Variants in C10orf90 observed in about 807,000 individuals in gnomAD.
C10orf90 encodes the protein chromosome 10 open reading frame 90, also known as (E2-independent) E3 ubiquitin-conjugating enzyme FATS.
A neutral mutation model predicts 62.5 loss-of-function variants in C10orf90; 56 were observed. The observed-to-expected ratio is 0.90, with a 90% CI of 0.72 to 1.12. C10orf90 has a LOEUF of 1.12. Ranked by LOEUF, C10orf90 falls within the 50% of genes most tolerant of loss-of-function variation. C10orf90 has a pLI of 0.00. For missense variants in C10orf90, 970 were observed against 880.4 expected (o/e 1.10, Z -1.29); for synonymous variants, 386 against 340.4 (o/e 1.13, Z -1.47).
At chr10:126,521,393 A>G in intron 2 of C10orf90, 2 of 1,608,006 alleles carry the variant, frequency 1.2e-6, no homozygotes, top group Admixed American at 1.7e-5. Flanking sequence ...ATTTGGCGAC[A>G]TGAAAGAAAA....
At chr10:126,626,531 A>T (rs568696778) in intron 2 of C10orf90, among the ~76,000 whole-genome samples, 1 of 152,236 alleles carries the variant, frequency 6.6e-6, no homozygotes, top group Non-Finnish European at 1.5e-5. Flanking sequence ...TATTACTGTG[A>T]TAATAAAACC....
rs925350304 is a variant in C10orf90, at chr10:126,521,524, A to T, written c.314-7585T>A. The stretch of plus-strand genomic sequence containing the variant: ...GAAGTCACCGGAATGTTTACAGGGC[A>T]ACCAGGGGAGGTGGCATACAAGCCC... On this transcript the variant is annotated intron_variant, in intron 2 of 9. Coordinates refer to ENST00000488181, the MANE Select transcript of C10orf90 (RefSeq NM_001350921.2). 1.1e-5 allele frequency: 14 copies of T among 1,315,064 alleles called. No individual in the cohort carries two copies. In the African/African-American group the frequency reaches 2.1e-4, roughly 20 times the overall value. The allele number at this position is 1,315,064 out of a possible 1,614,324, so 81.5% of individuals were successfully genotyped here.
At chr10:126,519,533 A>T (rs1863628730) in intron 2 of C10orf90, among the ~76,000 whole-genome samples, 1 of 152,172 alleles carries the variant, frequency 6.6e-6, no homozygotes. Flanking sequence ...TCAAATTCTT[A>T]CTTCTTGGAT....
At position 126,532,842 on chromosome 10, in the gene C10orf90, CAA is replaced by C. The variant is rs1269013268; in HGVS notation, c.314-18905_314-18904del. ...TGGGCAACAGAGCGAGACTACGTCT[CAA>C]AAAAAAAAAAAAATAGTGAGCACAA... On this transcript the variant is annotated intron_variant, in intron 2 of 9. Transcript: ENST00000488181. Among the ~76,000 whole-genome samples, 41 of 12,098 alleles carry C rather than the reference CAA, an allele frequency of 3.4e-3. 13 individuals carry two copies. The East Asian group carries it at 0.094, about 28-fold the overall frequency. 7.9% of individuals were successfully genotyped at this position (12,098 alleles called of 152,430 possible). A position where few individuals can be genotyped will look rare whatever the true frequency, so the allele number is the denominator to read the frequency against.
At chr10:126,624,734 A>G (rs80174741) in intron 2 of C10orf90, among the ~76,000 whole-genome samples, 11,086 of 152,164 alleles carry the variant, frequency 0.073, 550 homozygotes, top group Non-Finnish European at 0.1. Context: ...CACCTTTTGA[A>G]TTTTTGCTGA....
Position 126,532,861 on chromosome 10 carries a change from T to TAAAAAAAAAAAAAA in C10orf90, c.314-18923_314-18922insTTTTTTTTTTTTTT, listed in dbSNP as rs1864138659. Among the ~76,000 whole-genome samples, 2 of 20,390 alleles carry TAAAAAAAAAAAAAA rather than the reference T, an allele frequency of 9.8e-5. 1 individual carries two copies. The highest frequency in any genetic ancestry group is 3.0e-4 in the Non-Finnish European group (2 of 6,702). 13.4% of individuals were successfully genotyped at this position (20,390 alleles called of 152,430 possible). On this transcript the variant is annotated intron_variant, in intron 2 of 9. Transcript: ENST00000488181. ...ACGTCTCAAAAAAAAAAAAAAATAGTGAGCACAAAACAAGTGTTTTCAAAA... is the reference window on the plus strand; with the variant it reads ...ACGTCTCAAAAAAAAAAAAAAATAGTAAAAAAAAAAAAAAGAGCACAAAACAAGTGTTTTCAAAA...
At chr10:126,561,753 A>T (rs991746428) in intron 2 of C10orf90, among the ~76,000 whole-genome samples, 1 of 152,130 alleles carries the variant, frequency 6.6e-6, no homozygotes. Context: ...ACAGGCAAAC[A>T]GTGGACAGTT....
intron 2 of C10orf90, among the ~76,000 whole-genome samples, chr10:126,590,126 A>T (rs191376548): frequency 1.3e-5 from 2 of 152,344 alleles, no homozygotes; most frequent in African/African-American, 4.8e-5. Context: ...AAAGTGTTCA[A>T]CAAGAAGAGC....
chr10:126,661,210 A>G (rs147899681), intron 1 of C10orf90, among the ~76,000 whole-genome samples: 11 of 152,320 alleles, frequency 7.2e-5, no homozygotes, highest in African/African-American at 2.6e-4. Flanking sequence ...CCATGGCTCT[A>G]TGATAGAGTT....
At chr10:126,650,500 G>C (rs1185111755) in intron 1 of C10orf90, among the ~76,000 whole-genome samples, 1 of 152,122 alleles carries the variant, frequency 6.6e-6, no homozygotes, top group Non-Finnish European at 1.5e-5. Flanking sequence ...TACAGAGCTG[G>C]AAAGTGAGGC....
rs573267723 is a variant in C10orf90, at chr10:126,455,097, C to T, written c.2188+3943G>A. 1.7e-3 allele frequency among the ~76,000 whole-genome samples: 261 copies of T among 152,244 alleles called. 1 individual carries two copies. Among genetic ancestry groups the T allele is most frequent in the African/African-American group, 6.0e-3 (248 of 41,532 alleles). On this transcript the variant is annotated intron_variant, in intron 7 of 9. Coordinates refer to ENST00000488181, the MANE Select transcript of C10orf90 (RefSeq NM_001350921.2). The stretch of plus-strand genomic sequence containing the variant: ...CTACCTTCCTTATACCACTGCCCTG[C>T]CCAGGCCCCACCCTCATCATGTTGT...
intron 2 of C10orf90, among the ~76,000 whole-genome samples, chr10:126,535,941 G>A (rs369889012): frequency 6.6e-6 from 1 of 152,298 alleles, no homozygotes; most frequent in South Asian, 2.1e-4. Flanking sequence ...AGAGTCCATC[G>A]TTACGGGGCA....
At chr10:126,624,853 G>A (rs1225756835) in intron 2 of C10orf90, among the ~76,000 whole-genome samples, 2 of 152,128 alleles carry the variant, frequency 1.3e-5, no homozygotes, top group Non-Finnish European at 2.9e-5. Context: ...AAGGTTGCCC[G>A]CAGCAGGTTA....
At chr10:126,611,642 C>T (rs1346702764) in intron 2 of C10orf90, among the ~76,000 whole-genome samples, 2 of 152,326 alleles carry the variant, frequency 1.3e-5, no homozygotes, top group Non-Finnish European at 2.9e-5. Context: ...AAACTCTTGT[C>T]AGCAAATATT....
chr10:126,527,969 ATAATT>A (rs753891875), intron 2 of C10orf90, among the ~76,000 whole-genome samples: 2 of 152,354 alleles, frequency 1.3e-5, no homozygotes, highest in South Asian at 4.1e-4. Flanking sequence ...AGTTACTATT[ATAATT>A]TAACATTTTT....
chr10:126,452,661 A>G (rs1859281306), intron 7 of C10orf90, among the ~76,000 whole-genome samples: 2 of 152,224 alleles, frequency 1.3e-5, no homozygotes, highest in Admixed American at 1.3e-4. Flanking sequence ...CTTCTAATCA[A>G]TAGACATAAA....
chr10:126,478,423 A>G (rs1453924367), intron 4 of C10orf90, among the ~76,000 whole-genome samples: 1 of 152,234 alleles, frequency 6.6e-6, no homozygotes, highest in African/African-American at 2.4e-5. Context: ...CCTTTGTTAT[A>G]ATTGACTCAG....
At chr10:126,500,213 G>T (rs1285834019) in intron 4 of C10orf90, among the ~76,000 whole-genome samples, 1 of 152,238 alleles carries the variant, frequency 6.6e-6, no homozygotes, top group Non-Finnish European at 1.5e-5. Flanking sequence ...GCAGCCTTCA[G>T]ATACCACCTT....
chr10:126,600,255 A>G (rs574505037), intron 2 of C10orf90, among the ~76,000 whole-genome samples: 25 of 152,302 alleles, frequency 1.6e-4, no homozygotes, highest in African/African-American at 5.8e-4. Flanking sequence ...AAGTCAGCTC[A>G]CCGGCGTTGG....
Sources: allele counts gnomAD v4.1 joint callset (sites outside exome capture counted in the v4.1 genomes callset), GRCh38; gene constraint gnomAD v4.1.1; transcripts MANE v1.5; gene names NCBI Gene and HGNC (gene_info 2026-07-23, HGNC 2026-07-21).